The following WDPCP variants were observed in gnomAD, a reference collection of about 807,000 sequenced individuals.
WDPCP encodes WD repeat containing planar cell polarity effector.
Under a neutral mutation model 93.1 loss-of-function variants are expected in WDPCP, and 71 were observed. That is an observed-to-expected ratio of 0.76 (90% confidence interval 0.63 to 0.93). WDPCP has a LOEUF of 0.93. WDPCP is among the 40% of genes least tolerant of loss of function. WDPCP has a pLI of 0.00. For missense variants in WDPCP, 844 were observed against 887.4 expected, an observed-to-expected ratio of 0.95 and a Z score of 0.62; for synonymous variants, 315 against 315.0, an observed-to-expected ratio of 1.00 and a Z score of 0.00.
At chr2:63,501,603 T>C (rs1701556490) in intron 1 of WDPCP, among the ~76,000 whole-genome samples, 2 of 152,100 alleles carry the variant, frequency 1.3e-5, no homozygotes, top group African/African-American at 2.4e-5. Flanking sequence ...TAGGCCTCTG[T>C]CTGGTCCTTT....
intron 3 of WDPCP, among the ~76,000 whole-genome samples, chr2:63,628,048 G>A (rs1709828035): frequency 6.6e-6 from 1 of 152,192 alleles, no homozygotes; most frequent in African/African-American, 2.4e-5. Context: ...GGATCCTGCC[G>A]CGAGGACTCC....
intron 17 of WDPCP, among the ~76,000 whole-genome samples, chr2:63,135,480 C>A (rs759719578): frequency 1.4e-4 from 21 of 151,322 alleles, no homozygotes; most frequent in Non-Finnish European, 2.4e-4. Flanking sequence ...TACAGGCATG[C>A]GTCACCACGC....
At chr2:63,257,799 C>A (rs1432826420) in intron 14 of WDPCP, among the ~76,000 whole-genome samples, 1 of 152,242 alleles carries the variant, frequency 6.6e-6, no homozygotes, top group African/African-American at 2.4e-5. Flanking sequence ...TCTTCACATT[C>A]TCTTTCACTC....
At chr2:63,560,639 A>T (rs1706537626) in intron 1 of WDPCP, among the ~76,000 whole-genome samples, 1 of 152,242 alleles carries the variant, frequency 6.6e-6, no homozygotes, top group Non-Finnish European at 1.5e-5. Flanking sequence ...ACACCATGGA[A>T]TACTATGCAG....
intron 14 of WDPCP, among the ~76,000 whole-genome samples, chr2:63,254,548 AT>A (rs1477446796): frequency 6.6e-6 from 1 of 152,148 alleles, no homozygotes; most frequent in African/African-American, 2.4e-5. Flanking sequence ...ATAATTATAT[AT>A]TAATATGCAG....
intron 2 of WDPCP, among the ~76,000 whole-genome samples, chr2:63,662,507 A>G (rs1710236630): frequency 6.6e-6 from 1 of 152,164 alleles, no homozygotes; most frequent in African/African-American, 2.4e-5. Context: ...CAAGCCCTAC[A>G]GAGCAACATG....
chr2:63,190,271 A>G (rs1045842022), intron 14 of WDPCP, among the ~76,000 whole-genome samples: 2 of 151,914 alleles, frequency 1.3e-5, no homozygotes, highest in Admixed American at 6.6e-5. Context: ...CTTAAAAAAA[A>G]GAAATACAAA....
chr2:63,730,194 A>G (rs917221081), intron 2 of WDPCP, among the ~76,000 whole-genome samples: 4 of 151,918 alleles, frequency 2.6e-5, no homozygotes, highest in Non-Finnish European at 5.9e-5. Flanking sequence ...AGTAGGTACT[A>G]TTGTTATTCT....
chr2:63,839,715 C>A, the WDPCP span, among the ~76,000 whole-genome samples: 1 of 152,198 alleles, frequency 6.6e-6, no homozygotes, highest in South Asian at 2.1e-4. Flanking sequence ...AGTGCTGGAA[C>A]AATTTTTGTA....
intron 2 of WDPCP, among the ~76,000 whole-genome samples, chr2:63,766,499 T>C (rs1404628231): frequency 6.6e-6 from 1 of 151,950 alleles, no homozygotes; most frequent in Non-Finnish European, 1.5e-5. Flanking sequence ...CTAGCCAATA[T>C]TAATTTTTTG....
intron 6 of WDPCP, among the ~76,000 whole-genome samples, chr2:63,445,254 G>C (rs913970056): frequency 1.3e-5 from 2 of 151,962 alleles, no homozygotes; most frequent in Non-Finnish European, 2.9e-5. Context: ...ACTGACTTAA[G>C]GAGAAAAAAC....
intron 12 of WDPCP, among the ~76,000 whole-genome samples, chr2:63,330,977 C>G (rs1355874577): frequency 6.6e-6 from 1 of 150,476 alleles, no homozygotes; most frequent in South Asian, 2.1e-4. Context: ...TTCAAGGATC[C>G]TCCCACCTCA....
At chr2:63,164,991 T>A (rs1211383458) in intron 15 of WDPCP, among the ~76,000 whole-genome samples, 1 of 152,184 alleles carries the variant, frequency 6.6e-6, no homozygotes, top group Admixed American at 6.5e-5. Context: ...GAATGTAGAA[T>A]ATGACAGCAA....
intron 2 of WDPCP, among the ~76,000 whole-genome samples, chr2:63,772,685 C>T (rs1670247210): frequency 6.6e-6 from 1 of 151,892 alleles, no homozygotes; most frequent in African/African-American, 2.4e-5. Context: ...AAGATATCAA[C>T]TATATCAATT....
chr2:63,532,724 A>G (rs1703955193), intron 1 of WDPCP, among the ~76,000 whole-genome samples: 1 of 152,236 alleles, frequency 6.6e-6, no homozygotes, highest in African/African-American at 2.4e-5. Flanking sequence ...AAACATGGAA[A>G]GGAACAAATG....
At chr2:63,372,050 C>G (rs1033565074) in intron 12 of WDPCP, among the ~76,000 whole-genome samples, 6 of 152,152 alleles carry the variant, frequency 3.9e-5, no homozygotes, top group Non-Finnish European at 8.8e-5. Flanking sequence ...TAGCATGGTG[C>G]TAGCAATTGC....
chr2:63,376,416 A>G (rs1284569588), intron 12 of WDPCP, among the ~76,000 whole-genome samples: 1 of 151,942 alleles, frequency 6.6e-6, no homozygotes, highest in Non-Finnish European at 1.5e-5. Context: ...AGAAAAACCA[A>G]TGAACAAAAA....
At chr2:63,272,344 A>C (rs1682730064) in intron 13 of WDPCP, among the ~76,000 whole-genome samples, 1 of 152,234 alleles carries the variant, frequency 6.6e-6, no homozygotes, top group African/African-American at 2.4e-5. Flanking sequence ...CATATTTAGG[A>C]AAATGTCTTA....
intron 2 of WDPCP, among the ~76,000 whole-genome samples, chr2:63,810,456 C>T (rs1027170660): frequency 3.3e-5 from 5 of 152,202 alleles, no homozygotes; most frequent in African/African-American, 9.6e-5. Context: ...GAAAAGCTTC[C>T]TAGAGGAAAT....
Sources: allele counts gnomAD v4.1 joint callset (sites outside exome capture counted in the v4.1 genomes callset), GRCh38; gene constraint gnomAD v4.1.1; transcripts MANE v1.5; gene names NCBI Gene and HGNC (gene_info 2026-07-23, HGNC 2026-07-21).